The following ZNF138 variants were observed in gnomAD, a reference collection of about 807,000 sequenced individuals.
ZNF138 encodes zinc finger protein 138, also known as zinc finger protein 138 (clone pHZ-32).
ZNF138 carries 33 observed loss-of-function variants against 33.0 expected under a neutral mutation model. The observed-to-expected ratio is 1.00, with a 90% CI of 0.76 to 1.34. The LOEUF (loss-of-function observed/expected upper bound fraction) is 1.34. ZNF138 is among the 40% of genes most tolerant of loss of function. The probability of loss-of-function intolerance (pLI) is 0.00; values close to 1 mark genes in which losing one functional copy is unlikely to be tolerated. For missense variants in ZNF138, 360 were observed against 370.8 expected, an observed-to-expected ratio of 0.97 and a Z score of 0.24; for synonymous variants, 139 against 120.4, an observed-to-expected ratio of 1.15 and a Z score of -1.01.
the ZNF138 span, among the ~76,000 whole-genome samples, chr7:64,848,028 G>A: frequency 6.6e-6 from 1 of 152,010 alleles, no homozygotes; most frequent in Non-Finnish European, 1.5e-5. Flanking sequence ...CTTTTTAGTA[G>A]TTGTTTTAGT....
At chr7:64,840,897 C>T in the ZNF138 span, among the ~76,000 whole-genome samples, 4 of 151,884 alleles carry the variant, frequency 2.6e-5, no homozygotes, top group South Asian at 2.1e-4. Context: ...TACCTATTTT[C>T]AGAAGAATAG....
At chr7:64,819,359 ATTTTTTT>A (rs56762783) in intron 3 of ZNF138, among the ~76,000 whole-genome samples, 2 of 142,464 alleles carry the variant, frequency 1.4e-5, no homozygotes, top group African/African-American at 5.2e-5. Flanking sequence ...TTTCAGGGTA[ATTTTTTT>A]TTTTTTTTTT....
At chr7:64,829,619 A>G (rs1183488522) in intron 3 of ZNF138, among the ~76,000 whole-genome samples, 1 of 2,654 alleles carries the variant, frequency 3.8e-4, no homozygotes, top group African/African-American at 8.2e-4. Context: ...CTTTCTCATT[A>G]CATTTGTTCT....
At chr7:64,831,076 T>A (rs1790043605) in intron 3 of ZNF138, 2 of 1,550,154 alleles carry the variant, frequency 1.3e-6, no homozygotes, top group African/African-American at 1.4e-5. Flanking sequence ...GAAATAAAGA[T>A]GTATGTGTTA....
At position 64,832,697 on chromosome 7, in the gene ZNF138, G is replaced by T; in HGVS notation, c.*495G>T. 2.3e-6 allele frequency: 1 copy of T among 429,466 alleles called. No individual in the cohort carries two copies. The allele number at this position is 429,466 out of a possible 1,614,324, so 26.6% of individuals were successfully genotyped here. A position where few individuals can be genotyped will look rare whatever the true frequency, so the allele number is the denominator to read the frequency against. ...GTGAACAGTGTGGCAAGGTCTTTAA[G>T]AAGTCCTCAACTCTTACTGCACATA... is the stretch of plus-strand genomic sequence containing the variant. On this transcript the variant is annotated 3_prime_UTR_variant, in exon 4 of 4. Transcript: ENST00000307355.
Position 64,831,965 on chromosome 7 carries a change from T to C in ZNF138, c.723T>C (p.His241=), listed in dbSNP as rs1386656741. ...ACCAATCCTCAATCCTTACTAAACA[T>C]AAGATAATTCGTACTGGAGAAAAAC... The part of the protein sequence containing the change: ...AFHQSSILTK[H]KIIRTGEKPY... The change falls in exon 4 of 4, where the codon CAT becomes CAC. Residue 241 remains histidine, a synonymous_variant. Transcript: ENST00000307355. The C allele has an allele frequency of 6.2e-7, 1 of 1,613,224 alleles. No homozygotes were observed. The highest frequency in any genetic ancestry group is 8.5e-7 in the Non-Finnish European group (1 of 1,179,548).
At chr7:64,815,506 A>C in intron 2 of ZNF138, 70 bp from the exon 3 acceptor site, 1 of 1,394,854 alleles carries the variant, frequency 7.2e-7, no homozygotes, top group Non-Finnish European at 1.0e-6. Flanking sequence ...CTAGGTTGGT[A>C]ATTGGAGAAT....
At chr7:64,819,394 G>T (rs538259674) in intron 3 of ZNF138, among the ~76,000 whole-genome samples, 57 of 146,204 alleles carry the variant, frequency 3.9e-4, no homozygotes, top group African/African-American at 1.4e-3. Context: ...TGGAGATTGA[G>T]TCTTGCTCTT....
chr7:64,831,461 T>A lies in ZNF138; in HGVS notation c.219T>A (p.Ser73=). ...MVVAKHSALC[S]RFAQDLWLEQ... ...TTTTGTTTCTTTCAGCTCTGTGTTC[T>A]CGTTTTGCCCAAGACCTTTGGCTAG... Residue 73 remains serine (S), a synonymous_variant, in exon 4 of 4, where the codon TCT becomes TCA. Transcript: ENST00000307355. 1 of 1,553,184 alleles carries A rather than the reference T, an allele frequency of 6.4e-7. No homozygotes were observed. The highest frequency in any genetic ancestry group is 1.3e-5 in the South Asian group (1 of 79,258).
intron 1 of ZNF138, among the ~76,000 whole-genome samples, chr7:64,796,944 G>C (rs941305792): frequency 1.3e-5 from 2 of 152,200 alleles, no homozygotes; most frequent in African/African-American, 4.8e-5. Flanking sequence ...CAGCTATTCG[G>C]GAGGCTGAGG....
At chr7:64,841,986 G>C in the ZNF138 span, among the ~76,000 whole-genome samples, 1 of 152,254 alleles carries the variant, frequency 6.6e-6, no homozygotes, top group South Asian at 2.1e-4. Flanking sequence ...GCTAGAAAAT[G>C]CATCTTAGAA....
intron 1 of ZNF138, among the ~76,000 whole-genome samples, chr7:64,811,057 C>T (rs1462467606): frequency 1.3e-5 from 2 of 152,160 alleles, no homozygotes; most frequent in Non-Finnish European, 2.9e-5. Context: ...AAAAATTTCT[C>T]TAAGCTGCAT....
At chr7:64,813,436 A>ATTTT (rs1005556520) in intron 1 of ZNF138, among the ~76,000 whole-genome samples, 5 of 25,328 alleles carry the variant, frequency 2.0e-4, no homozygotes, top group African/African-American at 3.5e-4. Flanking sequence ...CATAAAAATG[A>ATTTT]TTTTTTTTTT....
rs774508979 is a variant in ZNF138, at chr7:64,831,451, C to T, written c.209C>T (p.Ala70Val). ...RHEMVVAKHS[A>V]LCSRFAQDLW... is the part of the protein sequence containing the mutation. ...ATTTGTTATTTTTTGTTTCTTTCAG[C>T]TCTGTGTTCTCGTTTTGCCCAAGAC... Residue 70 changes from alanine to valine, a missense_variant and splice_region_variant, in exon 4 of 4, where the codon GCT becomes GTT. Physicochemically the swap from Ala to Val is moderately conservative, Grantham distance 64. Transcript: ENST00000307355. 5.1e-5 allele frequency: 78 copies of T among 1,542,088 alleles called. No homozygotes were observed. The highest frequency in any genetic ancestry group is 6.1e-5 in the Non-Finnish European group (70 of 1,150,262).
chr7:64,813,475 C>T (rs1788349426), intron 1 of ZNF138, among the ~76,000 whole-genome samples: 1 of 151,172 alleles, frequency 6.6e-6, no homozygotes, highest in South Asian at 2.1e-4. Context: ...GCGCTGTCGC[C>T]CAGGCTGGAG....
intron 3 of ZNF138, among the ~76,000 whole-genome samples, chr7:64,827,966 T>C (rs1230996211): frequency 6.6e-6 from 1 of 152,190 alleles, no homozygotes; most frequent in African/African-American, 2.4e-5. Flanking sequence ...ACTGCCGATA[T>C]AATTCTCTGT....
the ZNF138 span, among the ~76,000 whole-genome samples, chr7:64,859,354 T>C: frequency 6.6e-6 from 1 of 152,228 alleles, no homozygotes; most frequent in East Asian, 1.9e-4. Context: ...AAAAAAGTTT[T>C]TTTAGGTACA....
At chr7:64,828,184 T>C (rs1301784468) in intron 3 of ZNF138, among the ~76,000 whole-genome samples, 15 of 151,746 alleles carry the variant, frequency 9.9e-5, no homozygotes, top group African/African-American at 3.4e-4. Context: ...TAATTCTGGT[T>C]TTTTTTTAGG....
intron 1 of ZNF138, among the ~76,000 whole-genome samples, chr7:64,813,745 T>G (rs183713727): frequency 6.3e-4 from 96 of 152,262 alleles, no homozygotes; most frequent in African/African-American, 2.3e-3. Flanking sequence ...AATGATTTTT[T>G]TTTATGGTTA....
Sources: allele counts gnomAD v4.1 joint callset (sites outside exome capture counted in the v4.1 genomes callset), GRCh38; gene constraint gnomAD v4.1.1; transcripts MANE v1.5; gene names NCBI Gene and HGNC (gene_info 2026-07-23, HGNC 2026-07-21).